Variants in LANCL1 observed in about 807,000 individuals in gnomAD.
The protein encoded by LANCL1 is glutathione S-transferase LANCL1.
In LANCL1, 50 loss-of-function variants were observed where a neutral mutation model predicts 50.6. The observed-to-expected ratio is 0.99, with a 90% confidence interval of 0.79 to 1.25. LANCL1 has a LOEUF of 1.25. Ranked by LOEUF, LANCL1 falls within the 50% of genes most tolerant of loss-of-function variation. The pLI is 0.00. For missense variants in LANCL1, 532 were observed against 480.7 expected (o/e 1.11, Z -1.00); for synonymous variants, 188 against 178.6 (o/e 1.05, Z -0.42).
At chr2:210,436,878 T>C (rs1479388832) in intron 7 of LANCL1, among the ~76,000 whole-genome samples, 1 of 152,230 alleles carries the variant, frequency 6.6e-6, no homozygotes, top group African/African-American at 2.4e-5. Flanking sequence ...TTAGGAAATA[T>C]TCTGAGTAGA....
At chr2:210,469,909 G>A (rs1694174869) in intron 3 of LANCL1, among the ~76,000 whole-genome samples, 1 of 151,084 alleles carries the variant, frequency 6.6e-6, no homozygotes. Flanking sequence ...GAGTACATGT[G>A]AATGGCCAAT....
At chr2:210,452,331 G>C (rs1693535085) in intron 4 of LANCL1, among the ~76,000 whole-genome samples, 1 of 151,970 alleles carries the variant, frequency 6.6e-6, no homozygotes, top group Non-Finnish European at 1.5e-5. Context: ...ATCATTCTAA[G>C]TACTGGCCCC....
In LANCL1 at chr2:210,455,320, A is replaced by AAAT; in HGVS notation, c.200-7_200-6insATT. 6.3e-7 allele frequency: 1 copy of AAAT among 1,595,088 alleles called. No homozygotes were observed. On this transcript the variant is annotated splice_region_variant and splice_polypyrimidine_tract_variant and intron_variant, in intron 3 of 9. Coordinates refer to ENST00000450366, the MANE Select transcript of LANCL1 (RefSeq NM_006055.3). ...TAAGTAAAGCACAGCAATACCTGAA[A>AAAT]AAAAAAAAAGGAAACAATGTAAAGA...
intron 9 of LANCL1, among the ~76,000 whole-genome samples, chr2:210,435,066 G>A (rs1692879007): frequency 6.6e-6 from 1 of 151,948 alleles, no homozygotes; most frequent in African/African-American, 2.4e-5. Flanking sequence ...CCAAACATAA[G>A]CTCCTGAGCC....
intron 4 of LANCL1, among the ~76,000 whole-genome samples, chr2:210,449,935 T>C (rs1464687210): frequency 3.3e-4 from 50 of 152,276 alleles, no homozygotes; most frequent in Non-Finnish European, 1.5e-5. Context: ...ATTTATAGAT[T>C]CAATGCTATC....
At chr2:210,457,303 G>A (rs1693701310) in intron 3 of LANCL1, among the ~76,000 whole-genome samples, 1 of 152,158 alleles carries the variant, frequency 6.6e-6, no homozygotes, top group South Asian at 2.1e-4. Flanking sequence ...TACCTCATCA[G>A]TATTTTATAT....
rs1404211824 is a variant in LANCL1 at position 210,434,551 on chromosome 2, G to A, written c.1136C>T (p.Thr379Ile). Residue 379 changes from threonine (T) to isoleucine (I), a missense_variant, in exon 10 of 10, where the codon ACA becomes ATA. Coordinates refer to ENST00000450366, the MANE Select transcript of LANCL1 (RefSeq NM_006055.3). ...TAGCAGGTCAGCCAGGAAATATATTGTTCCAGCCATTCCTGAAGAAAGAGA... is the reference window on the plus strand; with the variant it reads ...TAGCAGGTCAGCCAGGAAATATATTATTCCAGCCATTCCTGAAGAAAGAGA... ...PFSLFEGMAG[T>I]IYFLADLLVP... 10 of 1,613,082 alleles carry A rather than the reference G, an allele frequency of 6.2e-6. No individual in the cohort carries two copies. The highest frequency in any genetic ancestry group is 1.3e-5 in the African/African-American group (1 of 74,896).
intron 6 of LANCL1, among the ~76,000 whole-genome samples, chr2:210,438,459 T>C (rs1221560156): frequency 6.6e-6 from 1 of 152,198 alleles, no homozygotes; most frequent in Non-Finnish European, 1.5e-5. Context: ...TTTTTCAATA[T>C]TAATTGCTAT....
intron 4 of LANCL1, among the ~76,000 whole-genome samples, chr2:210,451,066 C>T (rs1693496678): frequency 6.6e-6 from 1 of 152,180 alleles, no homozygotes; most frequent in African/African-American, 2.4e-5. Flanking sequence ...ATAGCAAAGA[C>T]ATGGAACCAA....
At chr2:210,460,206 C>G (rs191296700) in intron 3 of LANCL1, among the ~76,000 whole-genome samples, 1 of 152,124 alleles carries the variant, frequency 6.6e-6, no homozygotes, top group South Asian at 2.1e-4. Flanking sequence ...CTTTGTGCCA[C>G]GGTACTTTAG....
intron 6 of LANCL1, among the ~76,000 whole-genome samples, chr2:210,438,561 TA>T (rs2105887377): frequency 6.6e-6 from 1 of 152,320 alleles, no homozygotes; most frequent in East Asian, 1.9e-4. Context: ...AAACAAGCTT[TA>T]AAAGTCACAA....
chr2:210,464,959 C>T (rs1297922291), intron 3 of LANCL1, among the ~76,000 whole-genome samples: 6 of 132,066 alleles, frequency 4.5e-5, no homozygotes, highest in African/African-American at 1.6e-4. Context: ...GGTGACAGGG[C>T]GAGACTCCGT....
At chr2:210,472,223 AAAC>A (rs1278244633) in intron 2 of LANCL1, 147 bp from the exon 3 acceptor site, 24 of 586,836 alleles carry the variant, frequency 4.1e-5, no homozygotes, top group Non-Finnish European at 6.1e-5. Context: ...TTCTATTCTT[AAAC>A]AACAACATCA....
chr2:210,445,235 T>C (rs1410037809), intron 4 of LANCL1, among the ~76,000 whole-genome samples: 1 of 152,176 alleles, frequency 6.6e-6, no homozygotes, highest in East Asian at 1.9e-4. Context: ...TCCAATGATA[T>C]TCCAACTGAA....
intron 3 of LANCL1, among the ~76,000 whole-genome samples, chr2:210,467,984 G>A (rs1694119555): frequency 6.6e-6 from 1 of 152,072 alleles, no homozygotes; most frequent in Admixed American, 6.5e-5. Flanking sequence ...AGAAAATAAG[G>A]GTTTGGGAGA....
Position 210,440,619 on chromosome 2 carries a change from T to C in LANCL1, c.669A>G (p.Gly223=), listed in dbSNP as rs1574415587. ...YYVGAAHGLA[G]IYYYLMQPSL... ...TTACCTGCATCAGGTAGTAATAAAT[T>C]CCAGCCAGGCCATGAGCAGCCCCTA... is the stretch of plus-strand genomic sequence containing the variant. The change falls in exon 6 of 10, where the codon GGA becomes GGG. Residue 223 remains glycine (G), a synonymous_variant. Coordinates refer to ENST00000450366, the MANE Select transcript of LANCL1 (RefSeq NM_006055.3). 6.2e-7 allele frequency: 1 copy of C among 1,612,906 alleles called. No individual in the cohort carries two copies. The highest frequency in any genetic ancestry group is 8.5e-7 in the Non-Finnish European group (1 of 1,179,648).
chr2:210,472,316 G>A (rs756268605), intron 2 of LANCL1, among the ~76,000 whole-genome samples: 1 of 152,074 alleles, frequency 6.6e-6, no homozygotes, highest in Non-Finnish European at 1.5e-5. Flanking sequence ...AAAACAGACT[G>A]CCAATGATAA....
intron 2 of LANCL1, among the ~76,000 whole-genome samples, chr2:210,474,337 T>C (rs935215300): frequency 1.3e-5 from 2 of 152,168 alleles, no homozygotes; most frequent in Non-Finnish European, 2.9e-5. Flanking sequence ...TTCTAGGACC[T>C]GTCCAAAAAC....
chr2:210,470,038 T>C (rs180891215), intron 3 of LANCL1, among the ~76,000 whole-genome samples: 1 of 152,118 alleles, frequency 6.6e-6, no homozygotes, highest in African/African-American at 2.4e-5. Context: ...ATCTGTAAGT[T>C]TGAGCCTTAT....
Sources: gnomAD v4.1 joint callset for allele counts (sites outside exome capture counted in the v4.1 genomes callset) on GRCh38, gnomAD v4.1.1 for gene constraint, MANE v1.5 for transcripts, NCBI Gene and HGNC (gene_info 2026-07-23, HGNC 2026-07-21) for gene names.